The following AFG2A variants were observed in gnomAD, a reference collection of about 807,000 sequenced individuals.
The protein encoded by AFG2A is ATPase family gene 2 protein homolog A.
At chr4:123,134,182 A>G in the AFG2A span, among the ~76,000 whole-genome samples, 2 of 152,034 alleles carry the variant, frequency 1.3e-5, no homozygotes, top group Admixed American at 6.6e-5. Context: ...TATCCAAGAA[A>G]TCTCTGTCTG....
chr4:123,150,410 A>G, the AFG2A span, among the ~76,000 whole-genome samples: 1 of 152,228 alleles, frequency 6.6e-6, no homozygotes, highest in Admixed American at 6.5e-5. Flanking sequence ...TTAAGCTGAT[A>G]AGCAACTTCA....
chr4:123,262,880 C>G, the AFG2A span, among the ~76,000 whole-genome samples: 1 of 152,130 alleles, frequency 6.6e-6, no homozygotes, highest in Non-Finnish European at 1.5e-5. Context: ...CTCACACTAC[C>G]TGGGATTAAA....
chr4:122,948,074 C>T, the AFG2A span, among the ~76,000 whole-genome samples: 1 of 151,964 alleles, frequency 6.6e-6, no homozygotes. Context: ...TTCAGGTCAA[C>T]AATAGGCTAT....
chr4:122,957,472 A>G, the AFG2A span, among the ~76,000 whole-genome samples: 3 of 152,252 alleles, frequency 2.0e-5, no homozygotes, highest in South Asian at 4.1e-4. Context: ...TCCAAGTGCT[A>G]TAGAATAGGC....
At chr4:123,011,356 G>A in the AFG2A span, among the ~76,000 whole-genome samples, 1 of 152,304 alleles carries the variant, frequency 6.6e-6, no homozygotes, top group African/African-American at 2.4e-5. Context: ...ACCATCAAAG[G>A]AAATCAGAGA....
the AFG2A span, among the ~76,000 whole-genome samples, chr4:122,927,429 C>T: frequency 1.3e-5 from 2 of 152,108 alleles, no homozygotes; most frequent in African/African-American, 4.8e-5. Flanking sequence ...TTAGTTAATA[C>T]TTAATATGTT....
chr4:123,285,835 T>C, the AFG2A span, among the ~76,000 whole-genome samples: 1 of 151,980 alleles, frequency 6.6e-6, no homozygotes, highest in African/African-American at 2.4e-5. Context: ...AAATTGGGGG[T>C]AGGGGGAAGG....
the AFG2A span, chr4:122,938,262 C>G: frequency 6.4e-7 from 1 of 1,560,176 alleles, no homozygotes. Flanking sequence ...AAGTATAGCA[C>G]TAGTATTGAT....
the AFG2A span, among the ~76,000 whole-genome samples, chr4:123,082,546 A>G: frequency 7.7e-6 from 1 of 129,494 alleles, no homozygotes; most frequent in African/African-American, 2.7e-5. Context: ...TTTGGTCACT[A>G]CCACACTGTT....
At chr4:123,225,356 A>G in the AFG2A span, among the ~76,000 whole-genome samples, 3 of 152,142 alleles carry the variant, frequency 2.0e-5, no homozygotes, top group Non-Finnish European at 2.9e-5. Flanking sequence ...CTAACATTTA[A>G]GTCTTTAATC....
chr4:123,065,474 A>G, the AFG2A span, among the ~76,000 whole-genome samples: 7 of 152,186 alleles, frequency 4.6e-5, no homozygotes, highest in Non-Finnish European at 1.0e-4. Context: ...TTTAATAACT[A>G]CTAGAAAAGT....
chr4:123,314,656 T>A, the AFG2A span: 1 of 151,504 alleles, frequency 6.6e-6, no homozygotes, highest in Non-Finnish European at 1.5e-5. Context: ...CCAAAAAAAT[T>A]TTTTTTGAGA....
At chr4:123,290,543 C>G in the AFG2A span, among the ~76,000 whole-genome samples, 1,310 of 152,188 alleles carry the variant, frequency 8.6e-3, 26 homozygotes, top group African/African-American at 0.03. Context: ...AAGACATACC[C>G]AAGACTGGGC....
chr4:123,064,019 C>A, the AFG2A span, among the ~76,000 whole-genome samples: 2 of 152,126 alleles, frequency 1.3e-5, no homozygotes, highest in Non-Finnish European at 2.9e-5. Flanking sequence ...TCGTATATTT[C>A]GTGCTTATGA....
the AFG2A span, among the ~76,000 whole-genome samples, chr4:123,101,153 A>C: frequency 1.3e-5 from 2 of 151,890 alleles, no homozygotes; most frequent in Non-Finnish European, 2.9e-5. Flanking sequence ...AAAATTGTTT[A>C]AAGTATCTAG....
chr4:123,183,366 A>G, the AFG2A span, among the ~76,000 whole-genome samples: 1 of 152,200 alleles, frequency 6.6e-6, no homozygotes, highest in Non-Finnish European at 1.5e-5. Context: ...GTTTTACATG[A>G]TTGTATTATC....
At chr4:122,989,550 G>T in the AFG2A span, among the ~76,000 whole-genome samples, 2 of 152,152 alleles carry the variant, frequency 1.3e-5, no homozygotes, top group Non-Finnish European at 2.9e-5. Context: ...GACCATAGTG[G>T]TGGGTCTAGA....
At chr4:123,066,578 C>T in the AFG2A span, among the ~76,000 whole-genome samples, 1 of 152,000 alleles carries the variant, frequency 6.6e-6, no homozygotes, top group South Asian at 2.1e-4. Flanking sequence ...AGAAAAAGTA[C>T]ATTTATTTCA....
chr4:123,284,716 T>G, the AFG2A span, among the ~76,000 whole-genome samples: 1 of 152,184 alleles, frequency 6.6e-6, no homozygotes, highest in Non-Finnish European at 1.5e-5. Context: ...AGATGTCTAT[T>G]ATGTTATAGT....
Sources: allele counts gnomAD v4.1 joint callset (sites outside exome capture counted in the v4.1 genomes callset), GRCh38; gene constraint gnomAD v4.1.1; transcripts MANE v1.5; gene names NCBI Gene and HGNC (gene_info 2026-07-23, HGNC 2026-07-21).